The following SLC38A6 variants were observed in gnomAD, a reference collection of about 807,000 sequenced individuals.
SLC38A6 encodes the protein solute carrier family 38 member 6, also known as N system amino acid transporter NAT-1.
Under a neutral mutation model 65.0 loss-of-function variants are expected in SLC38A6, and 73 were observed. That is an observed-to-expected ratio of 1.12 (90% confidence interval 0.93 to 1.37). The LOEUF (loss-of-function observed/expected upper bound fraction) is 1.37. Ranked by LOEUF, SLC38A6 falls within the 40% of genes most tolerant of loss-of-function variation. The probability of loss-of-function intolerance (pLI) is 0.00; values close to 1 mark genes in which losing one functional copy is unlikely to be tolerated. For missense variants in SLC38A6, 561 were observed against 531.1 expected, an observed-to-expected ratio of 1.06 and a Z score of -0.55; for synonymous variants, 183 against 178.8, an observed-to-expected ratio of 1.02 and a Z score of -0.19.
At chr14:61,016,204 C>G (rs1415805660) in intron 4 of SLC38A6, among the ~76,000 whole-genome samples, 1 of 152,158 alleles carries the variant, frequency 6.6e-6, no homozygotes, top group East Asian at 1.9e-4. Flanking sequence ...TAAAGTAGCA[C>G]AATGACTTGA....
intron 15 of SLC38A6, among the ~76,000 whole-genome samples, chr14:61,066,913 G>T (rs76084962): frequency 0.043 from 6,609 of 152,038 alleles, 223 homozygotes; most frequent in African/African-American, 0.091. Context: ...AATTCATTCA[G>T]CAAATTCTTA....
At chr14:60,995,858 G>A (rs1356308249) in intron 3 of SLC38A6, among the ~76,000 whole-genome samples, 2 of 152,178 alleles carry the variant, frequency 1.3e-5, no homozygotes, top group East Asian at 3.8e-4. Flanking sequence ...AAAGATCAGT[G>A]GTTGCCAGAG....
rs151243505 is a variant in SLC38A6, at chr14:60,995,219, A to G, written c.310+10416A>G. Among the ~76,000 whole-genome samples the G allele has an allele frequency of 4.3e-3, 654 of 152,306 alleles. 10 individuals carry two copies. Among genetic ancestry groups the G allele is most frequent in the African/African-American group, 0.014 (585 of 41,554 alleles). On this transcript the variant is annotated intron_variant, in intron 3 of 15. Coordinates refer to ENST00000267488, the MANE Select transcript of SLC38A6 (RefSeq NM_153811.3). ...ATTATTAACGATAGCCAAGTTAGAG[A>G]AACAACCTAAGTGTCAGTAAGTGAG...
rs534586789 is a variant in SLC38A6, at chr14:60,994,320, C to T, written c.310+9517C>T. Among the ~76,000 whole-genome samples the T allele has an allele frequency of 3.3e-5, 5 of 152,216 alleles. No individual in the cohort carries two copies. The East Asian group carries it at 5.8e-4, about 18-fold the overall frequency. ...CAGCACTTTGGGAGGCCAAGGCGGGCGGATCACCTGAGGTTGGGAGATCGA... is the reference window on the plus strand; with the variant it reads ...CAGCACTTTGGGAGGCCAAGGCGGGTGGATCACCTGAGGTTGGGAGATCGA... On this transcript the variant is annotated intron_variant, in intron 3 of 15. Coordinates refer to ENST00000267488, the MANE Select transcript of SLC38A6 (RefSeq NM_153811.3).
chr14:61,013,547 G>A (rs1003891024), intron 3 of SLC38A6, among the ~76,000 whole-genome samples: 1 of 152,172 alleles, frequency 6.6e-6, no homozygotes, highest in Non-Finnish European at 1.5e-5. Context: ...CATGTTTAGT[G>A]CTTCCTTCAG....
chr14:61,070,382 G>A (rs531386217), intron 15 of SLC38A6, among the ~76,000 whole-genome samples: 1 of 152,286 alleles, frequency 6.6e-6, no homozygotes, highest in South Asian at 2.1e-4. Flanking sequence ...GCACATGGAA[G>A]AATTTTCTTC....
intron 3 of SLC38A6, among the ~76,000 whole-genome samples, chr14:61,011,253 T>G (rs1293130663): frequency 1.3e-5 from 2 of 152,242 alleles, no homozygotes; most frequent in Admixed American, 1.3e-4. Flanking sequence ...TTTGCTGAAG[T>G]TGCCTATCAG....
chr14:61,024,935 A>C (rs1484289007), intron 5 of SLC38A6, among the ~76,000 whole-genome samples: 8 of 152,244 alleles, frequency 5.3e-5, no homozygotes. Flanking sequence ...ATTACTATGA[A>C]TAGCATATGC....
rs187158248 is a variant in SLC38A6, at chr14:61,003,747, T to C, written c.311-12157T>C. Among the ~76,000 whole-genome samples, 3 of 152,294 alleles carry C rather than the reference T, an allele frequency of 2.0e-5. No individual in the cohort carries two copies. The East Asian group carries it at 5.8e-4, about 29-fold the overall frequency. ...TGTACACATTTTATTTAGTAAAGCC[T>C]CAATGTTAAGCAAGAAGCCATTACT... On this transcript the variant is annotated intron_variant, in intron 3 of 15. Transcript: ENST00000267488.
chr14:60,988,208 G>T (rs998515229), intron 3 of SLC38A6, among the ~76,000 whole-genome samples: 2 of 152,096 alleles, frequency 1.3e-5, no homozygotes, highest in Admixed American at 6.5e-5. Flanking sequence ...ATACTAATTT[G>T]AAGATGGTAT....
chr14:61,041,310 C>T (rs2139767967), intron 8 of SLC38A6, among the ~76,000 whole-genome samples: 1 of 152,254 alleles, frequency 6.6e-6, no homozygotes, highest in South Asian at 2.1e-4. Context: ...CCCCATACCA[C>T]CATACAGGCT....
intron 16 of SLC38A6, chr14:61,083,546 T>A (rs1281323232): frequency 6.5e-7 from 1 of 1,548,200 alleles, no homozygotes; most frequent in Admixed American, 2.0e-5. Context: ...GGTGTTCTTG[T>A]AAGAAAAGGA....
chr14:61,075,303 T>C lies in SLC38A6; in HGVS notation c.1291-3507T>C, dbSNP rs2043362778. Among the ~76,000 whole-genome samples the C allele has an allele frequency of 2.0e-5, 3 of 152,196 alleles. 1 individual carries two copies. Among genetic ancestry groups the C allele is most frequent in the South Asian group, 4.1e-4 (2 of 4,834 alleles). On this transcript the variant is annotated intron_variant, in intron 15 of 16. Transcript: ENST00000354886. ...AGAATTGTGCATGTAAACCCTTCTTTAGACTCACATGGGACAGAACACATA... is the reference window on the plus strand; with the variant it reads ...AGAATTGTGCATGTAAACCCTTCTTCAGACTCACATGGGACAGAACACATA...
intron 3 of SLC38A6, among the ~76,000 whole-genome samples, chr14:61,012,019 T>G (rs1019653051): frequency 1.5e-4 from 23 of 152,094 alleles, no homozygotes; most frequent in African/African-American, 5.3e-4. Flanking sequence ...GTCCTGGACT[T>G]TTTTTGGTTG....
intron 6 of SLC38A6, among the ~76,000 whole-genome samples, chr14:61,032,332 G>A (rs1160051687): frequency 2.0e-5 from 3 of 151,760 alleles, no homozygotes; most frequent in African/African-American, 7.2e-5. Flanking sequence ...AATAATTAAA[G>A]TAGTATGTGG....
chr14:61,075,443 G>A (rs1387676156), intron 15 of SLC38A6, among the ~76,000 whole-genome samples: 1 of 152,200 alleles, frequency 6.6e-6, no homozygotes, highest in Non-Finnish European at 1.5e-5. Context: ...GGGCACATCA[G>A]GAGGGTTGTG....
At chr14:61,063,621 T>TA (rs1336205585) in intron 15 of SLC38A6, among the ~76,000 whole-genome samples, 3 of 152,172 alleles carry the variant, frequency 2.0e-5, no homozygotes, top group South Asian at 2.1e-4. Flanking sequence ...TATATGGAAA[T>TA]ACACTCTTTT....
At position 60,981,453 on chromosome 14, in the gene SLC38A6, C is replaced by T. The variant is rs144036194; in HGVS notation, c.105+71C>T. 48 of 1,545,996 alleles carry T rather than the reference C, an allele frequency of 3.1e-5. 2 individuals carry two copies. The African/African-American group carries it at 4.9e-4, about 16-fold the overall frequency. On this transcript the variant is annotated intron_variant, in intron 1 of 15. Coordinates refer to ENST00000267488, the MANE Select transcript of SLC38A6 (RefSeq NM_153811.3). The stretch of plus-strand genomic sequence containing the variant: ...CCCTCAAGTGCCTGCCAAATAAGAC[C>T]CAGAAAAGGAGGACCGCACCGGGAC...
chr14:61,075,773 CTGTTTGTGTGTGTGTGTGTGTGTGTG>C (rs2043381214), intron 15 of SLC38A6, among the ~76,000 whole-genome samples: 1 of 129,532 alleles, frequency 7.7e-6, no homozygotes, highest in Non-Finnish European at 1.6e-5. Context: ...ATAGATCAAC[CTGTTTGTGTGTGTGTGTGTGTGTGTG>C]TGTGTGTGTG....
Sources: allele counts gnomAD v4.1 joint callset (sites outside exome capture counted in the v4.1 genomes callset), GRCh38; gene constraint gnomAD v4.1.1; transcripts MANE v1.5; gene names NCBI Gene and HGNC (gene_info 2026-07-23, HGNC 2026-07-21).